PVT1: variants seen among roughly 807,000 people sequenced by gnomAD.
PVT1 encodes Pvt1 oncogene.
intron 2 of PVT1, among the ~76,000 whole-genome samples, chr8:127,827,962 A>C (rs1428890596): frequency 6.6e-6 from 1 of 152,106 alleles, no homozygotes; most frequent in Non-Finnish European, 1.5e-5. Context: ...CATCTAGTTC[A>C]ATGTGAGCAT....
At chr8:127,987,181 G>C (rs183544543) in intron 3 of PVT1, among the ~76,000 whole-genome samples, 46 of 152,332 alleles carry the variant, frequency 3.0e-4, no homozygotes, top group African/African-American at 1.1e-3. Context: ...GCTAGTAAAG[G>C]CGCTGTTGTT....
intron 2 of PVT1, among the ~76,000 whole-genome samples, chr8:127,824,659 T>C (rs531374849): frequency 1.3e-5 from 2 of 152,300 alleles, no homozygotes; most frequent in South Asian, 2.1e-4. Context: ...GATCATGTAA[T>C]GTCAACAAGT....
chr8:127,915,745 A>G (rs1451252280), intron 3 of PVT1, among the ~76,000 whole-genome samples: 3 of 152,214 alleles, frequency 2.0e-5, no homozygotes, highest in Non-Finnish European at 4.4e-5. Context: ...CCATTAGAGC[A>G]CACAGTGTAG....
chr8:127,816,282 C>T (rs1814658231), intron 2 of PVT1, among the ~76,000 whole-genome samples: 1 of 152,184 alleles, frequency 6.6e-6, no homozygotes, highest in African/African-American at 2.4e-5. Context: ...ATGCCTACCC[C>T]CTGCCCCCGA....
At chr8:127,935,218 G>T (rs1362033815) in intron 3 of PVT1, among the ~76,000 whole-genome samples, 1 of 152,066 alleles carries the variant, frequency 6.6e-6, no homozygotes, top group Non-Finnish European at 1.5e-5. Context: ...TGCCCGCCTC[G>T]GCCTCCCAAA....
chr8:128,080,749 T>C (rs1178644444), intron 5 of PVT1, among the ~76,000 whole-genome samples: 1 of 152,220 alleles, frequency 6.6e-6, no homozygotes, highest in Admixed American at 6.5e-5. Flanking sequence ...TTTCATAGAT[T>C]GTGGCTTTGG....
chr8:127,975,255 T>C (rs1191434714), intron 3 of PVT1, among the ~76,000 whole-genome samples: 2 of 152,222 alleles, frequency 1.3e-5, no homozygotes, highest in Non-Finnish European at 2.9e-5. Context: ...AATAAGGTTG[T>C]TTATGCTGCT....
intron 4 of PVT1, among the ~76,000 whole-genome samples, chr8:128,023,932 C>G (rs1817465741): frequency 6.6e-6 from 1 of 152,234 alleles, no homozygotes; most frequent in Non-Finnish European, 1.5e-5. Flanking sequence ...GGCATTTGCT[C>G]TACGCCAGGC....
chr8:128,099,113 TG>T, intron 6 of PVT1, among the ~76,000 whole-genome samples: 1 of 152,298 alleles, frequency 6.6e-6, no homozygotes, highest in Non-Finnish European at 1.5e-5. Context: ...AGCTAAGCAG[TG>T]GAGAGTGGGC....
At chr8:127,981,362 C>T (rs187149525) in intron 3 of PVT1, among the ~76,000 whole-genome samples, 26 of 152,250 alleles carry the variant, frequency 1.7e-4, no homozygotes, top group African/African-American at 4.3e-4. Flanking sequence ...CAGTAGAGTT[C>T]GGCATTTTTT....
At chr8:128,039,200 T>A (rs1394327562) in intron 4 of PVT1, among the ~76,000 whole-genome samples, 1 of 152,174 alleles carries the variant, frequency 6.6e-6, no homozygotes, top group African/African-American at 2.4e-5. Flanking sequence ...GCAGGGGAGT[T>A]CATGAAGGTT....
rs1586393936 is a variant in PVT1 at position 127,821,814 on chromosome 8, A to G, written n.372+25743A>G. On this transcript the variant is annotated intron_variant and non_coding_transcript_variant, in intron 2 of 10. Coordinates refer to ENST00000651587, the Ensembl canonical transcript of PVT1. ...GCGACAGAGGGTCTCTGTCTCAAAA[A>G]AAAAAAAGAAAGAAAATTAACAATT... Among the ~76,000 whole-genome samples the G allele has an allele frequency of 2.6e-5, 4 of 152,290 alleles. No homozygotes were observed. The South Asian group carries it at 6.2e-4, about 24-fold the overall frequency.
rs1466046504 is a variant in PVT1 at position 128,055,905 on chromosome 8, C to A, written n.913-14255C>A. Among the ~76,000 whole-genome samples, 9 of 152,274 alleles carry A rather than the reference C, an allele frequency of 5.9e-5. No homozygotes were observed. In the South Asian group the frequency reaches 1.2e-3, roughly 21 times the overall value. On this transcript the variant is annotated intron_variant and non_coding_transcript_variant, in intron 4 of 10. Coordinates refer to ENST00000651587, the Ensembl canonical transcript of PVT1. ...CTTCCCCTGGTAAAGCAGCCACAGA[C>A]CAGCCCAGACTCAAGACAGGGAAAC...
At chr8:127,836,024 T>C (rs1042263329) in intron 2 of PVT1, among the ~76,000 whole-genome samples, 7 of 152,180 alleles carry the variant, frequency 4.6e-5, no homozygotes, top group African/African-American at 1.7e-4. Flanking sequence ...TTTCCCCAGC[T>C]TGTTGAAAAG....
At chr8:127,982,050 C>T (rs1032107391) in intron 3 of PVT1, among the ~76,000 whole-genome samples, 1 of 152,150 alleles carries the variant, frequency 6.6e-6, no homozygotes, top group Admixed American at 6.5e-5. Context: ...CAGGCTTCTC[C>T]CTCTGCAGAG....
chr8:127,844,289 C>T (rs929325511), intron 2 of PVT1, among the ~76,000 whole-genome samples: 2 of 152,160 alleles, frequency 1.3e-5, no homozygotes, highest in Non-Finnish European at 2.9e-5. Context: ...ATGAGAAAAG[C>T]CGCCCAGTCC....
intron 4 of PVT1, among the ~76,000 whole-genome samples, chr8:128,060,543 G>A (rs1284627051): frequency 2.6e-5 from 4 of 152,180 alleles, no homozygotes; most frequent in Admixed American, 2.6e-4. Flanking sequence ...CTGGGAACAG[G>A]GCAGGGACTC....
intron 2 of PVT1, chr8:127,855,116 C>G: frequency 2.5e-6 from 1 of 398,708 alleles, no homozygotes; most frequent in Non-Finnish European, 4.4e-6. Flanking sequence ...CTCTCTCTGT[C>G]TCTCTTTCTC....
chr8:128,067,966 TGGTTATCTTA>T (rs1813930972), intron 4 of PVT1, among the ~76,000 whole-genome samples: 3 of 139,082 alleles, frequency 2.2e-5, no homozygotes, highest in African/African-American at 2.7e-5. Context: ...TTTTTTTTTT[TGGTTATCTTA>T]TTTGAAAATC....
Sources: allele counts gnomAD v4.1 joint callset (sites outside exome capture counted in the v4.1 genomes callset), GRCh38; gene constraint gnomAD v4.1.1; transcripts MANE v1.5; gene names NCBI Gene and HGNC (gene_info 2026-07-23, HGNC 2026-07-21).